Variants in CADPS observed in about 807,000 individuals in gnomAD.
CADPS encodes the protein calcium dependent secretion activator.
CADPS carries 57 observed loss-of-function variants against 167.3 expected under a neutral mutation model. The ratio of observed to expected loss-of-function variants is 0.34; its 90% CI spans 0.28 to 0.42. The LOEUF (loss-of-function observed/expected upper bound fraction) is 0.42, where lower values mean the gene tolerates loss of function less well. Ranked by LOEUF, CADPS falls within the 20% of genes least tolerant of loss-of-function variation. The pLI, the probability that CADPS is intolerant of heterozygous loss-of-function variation, is 1.00. For missense variants in CADPS, 1,414 were observed against 1,738.1 expected, an observed-to-expected ratio of 0.81 and a Z score of 3.32; for synonymous variants, 676 against 635.3, an observed-to-expected ratio of 1.06 and a Z score of -0.96.
chr3:62,833,863 A>G (rs1235052590), intron 1 of CADPS, among the ~76,000 whole-genome samples: 2 of 152,174 alleles, frequency 1.3e-5, no homozygotes, highest in African/African-American at 4.8e-5. Context: ...ACTAAAAAAT[A>G]CTAATTGGGA....
intron 20 of CADPS, 146 bp downstream of exon 20, chr3:62,492,144 T>C (rs774589639): frequency 4.4e-6 from 3 of 688,520 alleles, no homozygotes; most frequent in Non-Finnish European, 7.6e-6. Flanking sequence ...TTCAGCTGTA[T>C]GTTTCTTTTT....
chr3:62,438,295 C>A lies in CADPS; in HGVS notation c.3670-84G>T. 1.1e-6 allele frequency: 1 copy of A among 905,828 alleles called. No homozygotes were observed. The highest frequency in any genetic ancestry group is 1.5e-5 in the South Asian group (1 of 67,574). The allele number at this position is 905,828 out of a possible 1,614,324, so 56.1% of individuals were successfully genotyped here. On this transcript the variant is annotated intron_variant, in intron 27 of 29. Transcript: ENST00000383710. The surrounding 1 kb of genome is among the most constrained non-coding windows in gnomAD (Gnocchi z 4.7). ...ACCATTCACTTGTACCCTCTACTTG[C>A]CCTCACACACCCTGAGATGCTTCTG...
chr3:62,580,669 A>G (rs1349429764), intron 8 of CADPS, among the ~76,000 whole-genome samples: 1 of 152,208 alleles, frequency 6.6e-6, no homozygotes, highest in East Asian at 1.9e-4. Flanking sequence ...TTAACTGCTA[A>G]TATCTCATCA....
intron 2 of CADPS, among the ~76,000 whole-genome samples, chr3:62,755,700 G>A (rs73102281): frequency 0.021 from 3,142 of 152,264 alleles, 66 homozygotes; most frequent in Middle Eastern, 0.038. Context: ...AGAGGCCATG[G>A]CCTGCTTCCT....
intron 28 of CADPS, among the ~76,000 whole-genome samples, chr3:62,427,601 A>G (rs1020264852): frequency 6.6e-6 from 1 of 152,120 alleles, no homozygotes. Context: ...AGCAACCAGG[A>G]ATGTCTCCAG....
chr3:62,689,012 T>C (rs4688309), intron 3 of CADPS, among the ~76,000 whole-genome samples: 133,602 of 152,060 alleles, frequency 0.88, 58,839 homozygotes, highest in East Asian at 0.98. Context: ...GGAATAACAG[T>C]GTGATAAATG....
At chr3:62,515,796 G>C (rs1182743717) in intron 16 of CADPS, among the ~76,000 whole-genome samples, 1 of 152,078 alleles carries the variant, frequency 6.6e-6, no homozygotes, top group Non-Finnish European at 1.5e-5. Flanking sequence ...ACTCTCAGAA[G>C]GAATTTAGTT....
intron 6 of CADPS, among the ~76,000 whole-genome samples, chr3:62,598,775 C>T (rs1233255848): frequency 6.6e-6 from 1 of 152,202 alleles, no homozygotes; most frequent in Non-Finnish European, 1.5e-5. Context: ...CACCATGTTG[C>T]CTCCCTTGCT....
intron 21 of CADPS, among the ~76,000 whole-genome samples, chr3:62,487,627 C>G (rs1180096772): frequency 6.6e-6 from 1 of 152,230 alleles, no homozygotes; most frequent in Non-Finnish European, 1.5e-5. Flanking sequence ...TGTAGCTTCC[C>G]TTTTCTCTTT....
chr3:62,465,253 CTA>C lies in CADPS; in HGVS notation c.3636+112_3636+113del. The stretch of plus-strand genomic sequence containing the variant: ...AGTGTTAATATTATACAATAGTTGA[CTA>C]TAATTAACACACACACCCATCCCAA... On this transcript the variant is annotated intron_variant, in intron 26 of 29. Transcript: ENST00000383710. The surrounding 1 kb of genome is among the most constrained non-coding windows in gnomAD (Gnocchi z 4.1). 1 of 671,680 alleles carries C rather than the reference CTA, an allele frequency of 1.5e-6. No homozygotes were observed. Among genetic ancestry groups the C allele is most frequent in the South Asian group, 2.2e-5 (1 of 46,506 alleles). The allele number at this position is 671,680 out of a possible 1,614,324, so 41.6% of individuals were successfully genotyped here. A position where few individuals can be genotyped will look rare whatever the true frequency, so the allele number is the denominator to read the frequency against.
intron 13 of CADPS, among the ~76,000 whole-genome samples, chr3:62,526,579 T>C (rs2072288231): frequency 6.6e-6 from 1 of 152,184 alleles, no homozygotes; most frequent in Non-Finnish European, 1.5e-5. Context: ...CTAGAAAGAA[T>C]ACTAAAAATA....
chr3:62,516,276 C>A (rs13083163), intron 15 of CADPS, 94 bp from the exon 16 acceptor site: 8 of 1,461,212 alleles, frequency 5.5e-6, no homozygotes, highest in Non-Finnish European at 7.5e-6. Context: ...AAAATCAGTT[C>A]TTTGTGACTT....
intron 6 of CADPS, among the ~76,000 whole-genome samples, chr3:62,639,920 T>C (rs72874452): frequency 0.043 from 6,474 of 152,236 alleles, 467 homozygotes; most frequent in African/African-American, 0.14. Context: ...CTCTTCCCTA[T>C]GCCCCCACTA....
Position 62,403,199 on chromosome 3 carries a change from CA to C in CADPS, c.3778-15del. The C allele has an allele frequency of 6.3e-7, 1 of 1,584,002 alleles. No individual in the cohort carries two copies. The highest frequency in any genetic ancestry group is 8.7e-7 in the Non-Finnish European group (1 of 1,153,360). ...GTTGTACCATTGCTGAAAAAAGAGA[CA>C]AAAGTTCTCCAGCCAACACATCATG... On this transcript the variant is annotated splice_polypyrimidine_tract_variant and intron_variant, in intron 28 of 29. Transcript: ENST00000383710.
chr3:62,685,790 G>A (rs1358675578), intron 3 of CADPS, among the ~76,000 whole-genome samples: 8 of 152,110 alleles, frequency 5.3e-5, no homozygotes, highest in East Asian at 2.0e-4. Flanking sequence ...TAGATCCCTC[G>A]CATGTGCGGT....
rs2083292387 is a variant in CADPS at position 62,874,506 on chromosome 3, G to A, written c.441+83C>T. The A allele has an allele frequency of 9.2e-7, 1 of 1,092,154 alleles. No homozygotes were observed. The highest frequency in any genetic ancestry group is 2.1e-5 in the Admixed American group (1 of 47,494). 67.7% of individuals were successfully genotyped at this position (1,092,154 alleles called of 1,614,324 possible). The stretch of plus-strand genomic sequence containing the variant: ...CCACCTCTCCTGCTCCTCCTCGCCA[G>A]CTGCGCCGCCAGCTCCCATTGTTCA... On this transcript the variant is annotated intron_variant, in intron 1 of 29. Transcript: ENST00000383710. This position sits in a 1 kb window ranked among gnomAD's most constrained non-coding sequence, Gnocchi z 7.1.
rs549719187 is a variant in CADPS at position 62,585,828 on chromosome 3, G to A, written c.1438-504C>T. On this transcript the variant is annotated intron_variant, in intron 7 of 29. Coordinates refer to ENST00000383710, the MANE Select transcript of CADPS (RefSeq NM_003716.4). The stretch of plus-strand genomic sequence containing the variant: ...AATGTGAGACTCAGGGAAGGAAAGG[G>A]ACTTGATTGGAGTCACACATTTCAA... Among the ~76,000 whole-genome samples the A allele has an allele frequency of 2.0e-5, 3 of 152,304 alleles. No individual in the cohort carries two copies. In the East Asian group the frequency reaches 5.8e-4, roughly 29 times the overall value.
At chr3:62,688,982 A>G (rs527911838) in intron 3 of CADPS, among the ~76,000 whole-genome samples, 1 of 152,164 alleles carries the variant, frequency 6.6e-6, no homozygotes, top group East Asian at 1.9e-4. Flanking sequence ...CAGAAAAAAA[A>G]TCTTTCCAGC....
At chr3:62,707,006 T>A (rs1000187887) in intron 3 of CADPS, among the ~76,000 whole-genome samples, 2 of 152,114 alleles carry the variant, frequency 1.3e-5, no homozygotes, top group Admixed American at 1.3e-4. Context: ...AAAAAAGGAT[T>A]CTATCTCCAA....
Sources: gnomAD v4.1 joint callset for allele counts (sites outside exome capture counted in the v4.1 genomes callset) on GRCh38, gnomAD v4.1.1 for gene constraint, Gnocchi (gnomAD v3.1) non-coding constraint, MANE v1.5 for transcripts, NCBI Gene and HGNC (gene_info 2026-07-23, HGNC 2026-07-21) for gene names.